Variants in GPC5 observed in about 807,000 individuals in gnomAD.
The protein encoded by GPC5 is glypican-5.
Under a neutral mutation model 53.9 loss-of-function variants are expected in GPC5, and 47 were observed. That is an observed-to-expected ratio of 0.87 (90% confidence interval 0.69 to 1.11). The LOEUF is 1.11. GPC5 is among the 50% of genes most tolerant of loss of function. The pLI, the probability that GPC5 is intolerant of heterozygous loss-of-function variation, is 0.00. For missense variants in GPC5, 748 were observed against 713.1 expected, an observed-to-expected ratio of 1.05 and a Z score of -0.56; for synonymous variants, 286 against 263.3, an observed-to-expected ratio of 1.09 and a Z score of -0.84.
intron 6 of GPC5, among the ~76,000 whole-genome samples, chr13:91,968,393 C>A (rs1430657360): frequency 6.6e-6 from 1 of 152,108 alleles, no homozygotes; most frequent in African/African-American, 2.4e-5. Flanking sequence ...TAAATTGCAA[C>A]TCAACTGTGT....
At chr13:92,697,044 T>C (rs1246761418) in intron 7 of GPC5, among the ~76,000 whole-genome samples, 1 of 151,760 alleles carries the variant, frequency 6.6e-6, no homozygotes, top group Non-Finnish European at 1.5e-5. Flanking sequence ...TCTGTTCTGT[T>C]CCATTGGTCT....
Position 92,023,694 on chromosome 13 carries a change from A to ACT in GPC5, c.1401+115650_1401+115651dup, listed in dbSNP as rs5805724. Among the ~76,000 whole-genome samples the ACT allele has an allele frequency of 8.8e-4, 130 of 148,016 alleles. No homozygotes were observed. The Middle Eastern group carries it at 0.01, about 12-fold the overall frequency. On this transcript the variant is annotated intron_variant, in intron 6 of 7. Coordinates refer to ENST00000377067, the MANE Select transcript of GPC5 (RefSeq NM_004466.6). ...CACACACACACACACACACACACAC[A>ACT]CTCTCTCTCTCTCTTATAAATTTAT...
At chr13:91,785,154 T>C (rs981250737) in intron 5 of GPC5, among the ~76,000 whole-genome samples, 4 of 152,206 alleles carry the variant, frequency 2.6e-5, no homozygotes, top group Non-Finnish European at 4.4e-5. Flanking sequence ...TTAATATTGG[T>C]GCACCTGAGG....
At chr13:92,561,264 T>C (rs2139029208) in intron 7 of GPC5, among the ~76,000 whole-genome samples, 1 of 152,128 alleles carries the variant, frequency 6.6e-6, no homozygotes, top group Middle Eastern at 3.4e-3. Context: ...GCCAAGATAA[T>C]GTAAATATGA....
chr13:92,581,442 T>C (rs1473638303), intron 7 of GPC5, among the ~76,000 whole-genome samples: 1 of 152,210 alleles, frequency 6.6e-6, no homozygotes, highest in Non-Finnish European at 1.5e-5. Context: ...TATGTATATA[T>C]ACCACATTTT....
chr13:92,840,623 T>C (rs1252446715), intron 7 of GPC5, among the ~76,000 whole-genome samples: 1 of 152,166 alleles, frequency 6.6e-6, no homozygotes, highest in Non-Finnish European at 1.5e-5. Flanking sequence ...AATGAATTTT[T>C]CTATTTCTGT....
At chr13:92,601,342 G>A (rs1408776880) in intron 7 of GPC5, among the ~76,000 whole-genome samples, 3 of 151,932 alleles carry the variant, frequency 2.0e-5, no homozygotes, top group Admixed American at 6.6e-5. Flanking sequence ...GATCACCTGA[G>A]GTCAGGAGTT....
chr13:92,115,990 C>T (rs935825390), intron 6 of GPC5, among the ~76,000 whole-genome samples: 1 of 152,158 alleles, frequency 6.6e-6, no homozygotes, highest in African/African-American at 2.4e-5. Context: ...GTTGCTCACG[C>T]CTGTAATCCT....
chr13:92,017,360 A>G (rs1178927775), intron 6 of GPC5, among the ~76,000 whole-genome samples: 4 of 151,932 alleles, frequency 2.6e-5, no homozygotes, highest in African/African-American at 9.7e-5. Context: ...GCCTGTACTC[A>G]TTGGTCATCC....
At chr13:92,356,173 T>C (rs947199252) in intron 7 of GPC5, among the ~76,000 whole-genome samples, 2 of 152,164 alleles carry the variant, frequency 1.3e-5, no homozygotes, top group African/African-American at 4.8e-5. Context: ...TGTTTGTTTA[T>C]TTATTTCACA....
At chr13:91,694,248 CT>C (rs954472068) in intron 3 of GPC5, among the ~76,000 whole-genome samples, 6 of 152,102 alleles carry the variant, frequency 3.9e-5, no homozygotes, top group African/African-American at 1.4e-4. Context: ...TTGAAGTATT[CT>C]TTTTTGGGAA....
chr13:92,313,075 T>C (rs1337033919), intron 7 of GPC5, among the ~76,000 whole-genome samples: 2 of 152,152 alleles, frequency 1.3e-5, no homozygotes, highest in East Asian at 1.9e-4. Flanking sequence ...CTTGTTCATA[T>C]AAAGAGTGAG....
chr13:91,904,446 T>C (rs1299135044), intron 5 of GPC5, among the ~76,000 whole-genome samples: 2 of 152,076 alleles, frequency 1.3e-5, no homozygotes, highest in African/African-American at 4.8e-5. Context: ...ACCAAGCTAA[T>C]TATATCTTTA....
chr13:91,622,578 A>C (rs1226134211), intron 2 of GPC5, among the ~76,000 whole-genome samples: 4 of 152,150 alleles, frequency 2.6e-5, no homozygotes, highest in African/African-American at 9.7e-5. Flanking sequence ...TAGAAATATA[A>C]AAGACAAAAA....
intron 2 of GPC5, among the ~76,000 whole-genome samples, chr13:91,460,012 A>G (rs1881829741): frequency 6.6e-6 from 1 of 152,176 alleles, no homozygotes; most frequent in Admixed American, 6.5e-5. Flanking sequence ...AGCATTGTAT[A>G]AAGTTATATG....
At chr13:91,944,049 T>C (rs1340622230) in intron 6 of GPC5, among the ~76,000 whole-genome samples, 6 of 152,080 alleles carry the variant, frequency 3.9e-5, no homozygotes. Flanking sequence ...TCCTGAACTA[T>C]TTGATTTTGA....
chr13:92,119,390 GTTTTTTTTT>G lies in GPC5; in HGVS notation c.1402-25423_1402-25415del, dbSNP rs386380215. Among the ~76,000 whole-genome samples the G allele has an allele frequency of 7.2e-4, 47 of 65,684 alleles. No homozygotes were observed. The South Asian group carries it at 0.025, about 35-fold the overall frequency. The allele number at this position is 65,684 out of a possible 152,430, so 43.1% of individuals were successfully genotyped here. A position where few individuals can be genotyped will look rare whatever the true frequency, so the allele number is the denominator to read the frequency against. ...TATATACATTCACATTAGGATTTTA[GTTTTTTTTT>G]TTTTTTTTTTTTTTTTGGAGACAGA... On this transcript the variant is annotated intron_variant, in intron 6 of 7. Transcript: ENST00000377067.
intron 7 of GPC5, among the ~76,000 whole-genome samples, chr13:92,186,777 G>T (rs1276250640): frequency 6.6e-6 from 1 of 152,098 alleles, no homozygotes; most frequent in Non-Finnish European, 1.5e-5. Context: ...ATCAGATGAA[G>T]AAATGCATAT....
intron 2 of GPC5, among the ~76,000 whole-genome samples, chr13:91,631,677 A>T (rs1239722118): frequency 6.6e-6 from 1 of 152,076 alleles, no homozygotes; most frequent in Non-Finnish European, 1.5e-5. Flanking sequence ...AAAGTGAGTG[A>T]ACTGGCAATT....
Sources: gnomAD v4.1 joint callset for allele counts (sites outside exome capture counted in the v4.1 genomes callset) on GRCh38, gnomAD v4.1.1 for gene constraint, MANE v1.5 for transcripts, NCBI Gene and HGNC (gene_info 2026-07-23, HGNC 2026-07-21) for gene names.